The following UTY variants were observed in gnomAD, a reference collection of about 807,000 sequenced individuals.
The protein encoded by UTY is histone demethylase UTY.
In UTY, 12 loss-of-function variants were observed where a neutral mutation model predicts 32.5. The ratio of observed to expected loss-of-function variants is 0.37; its 90% CI spans 0.24 to 0.60. UTY has a LOEUF of 0.60. Ranked by LOEUF, UTY falls within the 20% of genes least tolerant of loss-of-function variation. The probability of loss-of-function intolerance (pLI) is 0.69; values close to 1 mark genes in which losing one functional copy is unlikely to be tolerated. For missense variants in UTY, 303 were observed against 299.2 expected (o/e 1.01, Z -0.09); for synonymous variants, 131 against 103.4 (o/e 1.27, Z -1.62).
At chrY:13,234,559 T>A (rs1181667305), downstream of UTY, 4 of 136,153 alleles carry the variant, frequency 2.9e-5, no homozygotes, top group Non-Finnish European at 4.6e-5. Flanking sequence ...CAGGGAAGAA[T>A]GAGGAACGTG....
At chrY:13,311,565 A>C in intron 21 of UTY, among the ~76,000 whole-genome samples, 1 of 26,744 alleles carries the variant, frequency 3.7e-5, no homozygotes, top group South Asian at 9.5e-4. Context: ...ACTGCACTCC[A>C]GCCTGGGCGA....
chrY:13,473,540 C>T (rs2078731369), intron 2 of UTY, among the ~76,000 whole-genome samples: 1 of 32,983 alleles, frequency 3.0e-5, no homozygotes. Flanking sequence ...GAGTGCTGGG[C>T]CAACTGCTAA....
At chrY:13,258,212 T>C in intron 28 of UTY, among the ~76,000 whole-genome samples, 1 of 34,162 alleles carries the variant, frequency 2.9e-5, no homozygotes, top group African/African-American at 1.1e-4. Flanking sequence ...TTTGGGAAGA[T>C]TGCACTGCAG....
At chrY:13,276,518 G>A in intron 27 of UTY, among the ~76,000 whole-genome samples, 1 of 33,129 alleles carries the variant, frequency 3.0e-5, no homozygotes, top group Non-Finnish European at 7.5e-5. Flanking sequence ...GACCATCCCG[G>A]CTAACACGGT....
At chrY:13,380,029 ATGTGTG>A (rs1569486958) in intron 8 of UTY, among the ~76,000 whole-genome samples, 3 of 5,142 alleles carry the variant, frequency 5.8e-4, no homozygotes, top group East Asian at 0.011. Flanking sequence ...ATATATATAG[ATGTGTG>A]TGTGTGTGTG....
chrY:13,362,164 T>C (rs2063615513), intron 10 of UTY, among the ~76,000 whole-genome samples: 1 of 33,849 alleles, frequency 3.0e-5, no homozygotes, highest in African/African-American at 1.2e-4. Flanking sequence ...AACACAGGTC[T>C]GAGTCCAGTC....
Position 13,239,970 on chromosome Y carries a change from TAAGAG to T in UTY, c.*1477-5149_*1477-5145del, listed in dbSNP as rs2053882079. ...GATAACTGCCAAATCACAATAGCAA[TAAGAG>T]AAAAGGAAAGAAATAGGAATACACA... On this transcript the variant is annotated intron_variant and NMD_transcript_variant, in intron 28 of 28. Coordinates refer to the UTY transcript ENST00000682112. 2.7e-4 allele frequency among the ~76,000 whole-genome samples: 9 copies of T among 32,788 alleles called. No homozygotes were observed. In the South Asian group the frequency reaches 6.1e-3, roughly 22 times the overall value. The allele number at this position is 32,788 out of a possible 37,273, so 88.0% of individuals were successfully genotyped here.
At chrY:13,399,376 G>A in intron 6 of UTY, among the ~76,000 whole-genome samples, 1 of 33,280 alleles carries the variant, frequency 3.0e-5, no homozygotes, top group East Asian at 7.8e-4. Context: ...AGGAACTCCC[G>A]GGTACTTGCA....
chrY:13,287,646 AAAT>A (rs2057504676), intron 27 of UTY, among the ~76,000 whole-genome samples: 1 of 33,322 alleles, frequency 3.0e-5, no homozygotes, highest in African/African-American at 1.2e-4. Flanking sequence ...ACACAGTAAA[AAAT>A]AAGTATATCT....
At chrY:13,334,723 T>C (rs2060933546) in intron 18 of UTY, among the ~76,000 whole-genome samples, 1 of 33,251 alleles carries the variant, frequency 3.0e-5, no homozygotes, top group Non-Finnish European at 7.4e-5. Context: ...TGTGGAGAAA[T>C]AGTATGCTTT....
At chrY:13,412,285 G>C (rs761426230) in intron 5 of UTY, among the ~76,000 whole-genome samples, 1 of 33,308 alleles carries the variant, frequency 3.0e-5, no homozygotes, top group African/African-American at 1.2e-4. Flanking sequence ...TTTCTATACA[G>C]TATAAAAAGA....
At chrY:13,409,416 A>G (rs2070570589) in intron 6 of UTY, among the ~76,000 whole-genome samples, 1 of 33,738 alleles carries the variant, frequency 3.0e-5, no homozygotes. Flanking sequence ...TGGGTTGACT[A>G]TGTTCCATCA....
At chrY:13,291,488 T>G (rs899795504) in intron 27 of UTY, among the ~76,000 whole-genome samples, 1 of 33,039 alleles carries the variant, frequency 3.0e-5, no homozygotes, top group Non-Finnish European at 7.4e-5. Context: ...ATGTTCTTAC[T>G]TATAAGTGGG....
intron 24 of UTY, among the ~76,000 whole-genome samples, 192 bp downstream of exon 24, chrY:13,305,207 C>A (rs2058607879): frequency 6.2e-4 from 20 of 32,394 alleles, no homozygotes. Flanking sequence ...ATTGTTTTTT[C>A]ATATAAAAAT....
intron 17 of UTY, among the ~76,000 whole-genome samples, chrY:13,354,212 G>A (rs2062637491): frequency 3.0e-5 from 1 of 33,192 alleles, no homozygotes; most frequent in Admixed American, 2.8e-4. Context: ...AGACCAGCCT[G>A]ACAAACATGG....
chrY:13,289,163 C>T (rs2057606641), intron 27 of UTY, among the ~76,000 whole-genome samples: 1 of 33,664 alleles, frequency 3.0e-5, no homozygotes, highest in South Asian at 6.7e-4. Flanking sequence ...CTATATAAAT[C>T]ACTATCAATC....
At chrY:13,327,880 C>A (rs2060362270) in intron 18 of UTY, among the ~76,000 whole-genome samples, 1 of 33,667 alleles carries the variant, frequency 3.0e-5, no homozygotes, top group African/African-American at 1.2e-4. Context: ...CTAGAAATTT[C>A]TTTATGTTAA....
At chrY:13,245,908 G>A (rs2148326813), downstream of UTY, among the ~76,000 whole-genome samples, 1 of 33,668 alleles carries the variant, frequency 3.0e-5, no homozygotes, top group East Asian at 7.7e-4. Flanking sequence ...GACAAAGAAC[G>A]TGAGGTCCCC....
intron 3 of UTY, among the ~76,000 whole-genome samples, chrY:13,462,786 G>T (rs2077489844): frequency 3.2e-5 from 1 of 31,498 alleles, no homozygotes; most frequent in Non-Finnish European, 7.6e-5. Flanking sequence ...TTATTTAGGG[G>T]TGTATACCTC....
Sources: allele counts gnomAD v4.1 joint callset (sites outside exome capture counted in the v4.1 genomes callset), GRCh38; gene constraint gnomAD v4.1.1; transcripts MANE v1.5; gene names NCBI Gene and HGNC (gene_info 2026-07-23, HGNC 2026-07-21).